NUP188: variants seen among roughly 807,000 people sequenced by gnomAD.
The protein encoded by NUP188 is nucleoporin 188, also known as nucleoporin NUP188.
NUP188 carries 97 observed loss-of-function variants against 223.0 expected under a neutral mutation model. The ratio of observed to expected loss-of-function variants is 0.43; its 90% CI spans 0.37 to 0.51. The LOEUF is 0.51. Ranked by LOEUF, NUP188 falls within the 20% of genes least tolerant of loss-of-function variation. NUP188 has a pLI of 0.00. For synonymous variants in NUP188, 869 were observed against 828.0 expected, an observed-to-expected ratio of 1.05 and a Z score of -0.85; for missense variants, 1,947 against 2,175.6, an observed-to-expected ratio of 0.89 and a Z score of 2.09.
At chr9:128,990,330 A>G in intron 25 of NUP188, 104 bp downstream of exon 25, 4 of 908,150 alleles carry the variant, frequency 4.4e-6, no homozygotes, top group South Asian at 4.0e-5. Context: ...TAACGCCTGT[A>G]TATAATTCCA....
At chr9:128,989,780 C>T (rs945679237) in intron 24 of NUP188, among the ~76,000 whole-genome samples, 5 of 152,102 alleles carry the variant, frequency 3.3e-5, no homozygotes, top group Admixed American at 2.0e-4. Context: ...TGCAGTGAGT[C>T]GAGATCGTGC....
rs34863865 is a variant in NUP188, at chr9:128,951,306, CAA to C, written c.88-1448_88-1447del. Among the ~76,000 whole-genome samples, 504 of 86,198 alleles carry C rather than the reference CAA, an allele frequency of 5.8e-3. 8 individuals are homozygous for C. The East Asian group carries it at 0.068, about 12-fold the overall frequency. 56.5% of individuals were successfully genotyped at this position (86,198 alleles called of 152,430 possible). ...TGGGTGACAAAGCGAGACTCCATCT[CAA>C]AAAAAAAAAAAAAAAAAAGTCAGGC... is the stretch of plus-strand genomic sequence containing the variant. On this transcript the variant is annotated intron_variant, in intron 2 of 43. Transcript: ENST00000372577.
At chr9:128,982,426 T>C in intron 15 of NUP188, 123 bp from the exon 16 acceptor site, 1 of 898,020 alleles carries the variant, frequency 1.1e-6, no homozygotes, top group South Asian at 1.7e-5. Flanking sequence ...AGACTCTGTC[T>C]CAAAAAAAAA....
At chr9:128,992,050 G>A (rs1002030773) in intron 25 of NUP188, among the ~76,000 whole-genome samples, 17 of 151,452 alleles carry the variant, frequency 1.1e-4, no homozygotes, top group African/African-American at 3.6e-4. Context: ...GGGACTACAG[G>A]CGCCTGCCAC....
intron 12 of NUP188, among the ~76,000 whole-genome samples, chr9:128,975,226 CTTTT>C (rs540828761): frequency 8.3e-5 from 11 of 131,860 alleles, no homozygotes; most frequent in African/African-American, 2.7e-4. Context: ...TTTTCTTTTC[CTTTT>C]TTTTTTTTTT....
At chr9:128,983,716 G>A (rs140272934) in intron 19 of NUP188, among the ~76,000 whole-genome samples, 166 bp downstream of exon 19, 234 of 152,212 alleles carry the variant, frequency 1.5e-3, no homozygotes, top group African/African-American at 5.1e-3. Flanking sequence ...TGCAGCCTCC[G>A]CCTCCCATGT....
Position 128,994,429 on chromosome 9 carries a change from C to T in NUP188, c.3074C>T (p.Ser1025Phe). 1.9e-6 allele frequency: 3 copies of T among 1,613,170 alleles called. No individual in the cohort carries two copies. The highest frequency in any genetic ancestry group is 2.5e-6 in the Non-Finnish European group (3 of 1,179,200). ...CTGTTTGGAACCCTTTCTCCTCCCT[C>T]TGAAACATCAGAGGTAAGCTGTGGC... Reference protein sequence around the residue: ...SPLFGTLSPPSETSEPSILET... With the variant: ...SPLFGTLSPPFETSEPSILET... The change falls in exon 28 of 44, where the codon TCT (serine) becomes TTT (phenylalanine). Residue 1025 changes from serine to phenylalanine, a missense_variant. By Grantham distance (155) the Ser-to-Phe change is radical (BLOSUM62 -2). This residue lies in a region of NUP188 where 905 missense variants were observed against 990.6 expected (regional missense o/e 0.91). Transcript: ENST00000372577.
chr9:128,954,853 C>A (rs1841846661), intron 3 of NUP188, among the ~76,000 whole-genome samples: 1 of 149,192 alleles, frequency 6.7e-6, no homozygotes, highest in South Asian at 2.1e-4. Context: ...GTGAGGTGCT[C>A]TTCTTTTTTT....
rs765314369 is a variant in NUP188 at position 128,982,921 on chromosome 9, G to A, written c.1689G>A (p.Gln563=). The change falls in exon 17 of 44, where the codon CAG becomes CAA. Residue 563 remains glutamine, a synonymous_variant. Transcript: ENST00000372577. ...TCTCAGATGTGATTCAGCACTGCCA[G>A]CGAGTCAAACCCATCATTGATCTCG... ...VSTADVIQHC[Q]RVKPIIDLVH... 5 of 1,614,066 alleles carry A rather than the reference G, an allele frequency of 3.1e-6. No individual in the cohort carries two copies. The highest frequency in any genetic ancestry group is 1.6e-4 in the Middle Eastern group (1 of 6,084).
intron 12 of NUP188, among the ~76,000 whole-genome samples, chr9:128,977,971 G>T (rs1588279562): frequency 6.6e-6 from 1 of 152,124 alleles, no homozygotes; most frequent in East Asian, 1.9e-4. Flanking sequence ...AGAAATTACT[G>T]TCCCCATTTT....
chr9:128,961,015 G>A (rs1841940913), intron 8 of NUP188, among the ~76,000 whole-genome samples: 1 of 150,868 alleles, frequency 6.6e-6, no homozygotes, highest in Admixed American at 6.6e-5. Context: ...AGCCTAGGAG[G>A]CAGAGGTTGC....
Position 129,005,359 on chromosome 9 carries a change from GTCTGCTGCT to G in NUP188, c.4575_4583del (p.Ser1526_Ala1528del), listed in dbSNP as rs767235635. 3.1e-6 allele frequency: 5 copies of G among 1,613,776 alleles called. No individual in the cohort carries two copies. The African/African-American group carries it at 4.0e-5, about 13-fold the overall frequency. ...TTGCCCAGCGAGTCCAGAGGCCACC[GTCTGCTGCT>G]TCTGCTGCCCCCTCCTCCTCAAAGC... On this transcript the variant is annotated inframe_deletion, in exon 40 of 44. Transcript: ENST00000372577.
intron 12 of NUP188, among the ~76,000 whole-genome samples, chr9:128,978,060 A>G (rs1842203590): frequency 6.6e-6 from 1 of 152,036 alleles, no homozygotes; most frequent in South Asian, 2.1e-4. Context: ...TGGACAGGAT[A>G]TAATCTTACT....
chr9:128,979,010 A>G (rs1842218341), intron 12 of NUP188, among the ~76,000 whole-genome samples: 5 of 152,172 alleles, frequency 3.3e-5, no homozygotes, highest in Admixed American at 3.3e-4. Flanking sequence ...CACCCAGCCA[A>G]CCAACCAATT....
chr9:129,006,795 T>C lies in NUP188; in HGVS notation c.*117T>C, dbSNP rs2131207587. ...TGGAGGGCACCTCCTGTCACCCCCCTCCCGGAGTAGCCACGACTCCAGCCA... is the reference window on the plus strand; with the variant it reads ...TGGAGGGCACCTCCTGTCACCCCCCCCCCGGAGTAGCCACGACTCCAGCCA... On this transcript the variant is annotated 3_prime_UTR_variant, in exon 44 of 44. Coordinates refer to ENST00000372577, the MANE Select transcript of NUP188 (RefSeq NM_015354.3). 9.2e-7 allele frequency: 1 copy of C among 1,090,928 alleles called. No individual in the cohort carries two copies. 67.6% of individuals were successfully genotyped at this position (1,090,928 alleles called of 1,614,324 possible).
At chr9:128,989,694 G>A (rs890504197) in intron 24 of NUP188, among the ~76,000 whole-genome samples, 4 of 151,986 alleles carry the variant, frequency 2.6e-5, no homozygotes, top group South Asian at 4.2e-4. Flanking sequence ...TTAGCTGGAC[G>A]TGGTGGTGCA....
intron 30 of NUP188, among the ~76,000 whole-genome samples, chr9:128,997,065 T>C (rs925794711): frequency 6.6e-6 from 1 of 152,222 alleles, no homozygotes; most frequent in Non-Finnish European, 1.5e-5. Flanking sequence ...ATTAAAGTGC[T>C]GTGGTAATGA....
intron 8 of NUP188, among the ~76,000 whole-genome samples, chr9:128,964,590 T>C (rs1413182395): frequency 6.6e-6 from 1 of 151,042 alleles, no homozygotes; most frequent in African/African-American, 2.4e-5. Context: ...AGGCTGGTCT[T>C]AAGCTCCTGA....
At chr9:129,004,630 G>A (rs929182011) in intron 38 of NUP188, 3 of 154,556 alleles carry the variant, frequency 1.9e-5, no homozygotes, top group Middle Eastern at 3.4e-3. Flanking sequence ...TCAGCCTCCC[G>A]AGTAGCTGGG....
Sources: gnomAD v4.1 joint callset for allele counts (sites outside exome capture counted in the v4.1 genomes callset) on GRCh38, gnomAD v4.1.1 for gene constraint, gnomAD v4.1.1 regional missense constraint, MANE v1.5 for transcripts, NCBI Gene and HGNC (gene_info 2026-07-23, HGNC 2026-07-21) for gene names.